NKAIN2: variants seen among roughly 807,000 people sequenced by gnomAD.
The protein encoded by NKAIN2 is sodium/potassium-transporting ATPase subunit beta-1-interacting protein 2.
NKAIN2 carries 14 observed loss-of-function variants against 32.6 expected under a neutral mutation model. The observed-to-expected ratio is 0.43, with a 90% CI of 0.28 to 0.67. The LOEUF (loss-of-function observed/expected upper bound fraction) is 0.67. Ranked by LOEUF, NKAIN2 falls within the 30% of genes least tolerant of loss-of-function variation. The pLI is 0.17. For synonymous variants in NKAIN2, 80 were observed against 87.2 expected, an observed-to-expected ratio of 0.92 and a Z score of 0.46; for missense variants, 198 against 258.3, an observed-to-expected ratio of 0.77 and a Z score of 1.60.
chr6:124,100,577 G>A (rs2114947903), intron 1 of NKAIN2, among the ~76,000 whole-genome samples: 1 of 152,308 alleles, frequency 6.6e-6, no homozygotes, highest in Non-Finnish European at 1.5e-5. Flanking sequence ...TTTTTGAGAT[G>A]CGATTGTATC....
intron 1 of NKAIN2, among the ~76,000 whole-genome samples, chr6:123,969,359 G>T (rs1024649140): frequency 6.6e-6 from 1 of 152,124 alleles, no homozygotes; most frequent in Non-Finnish European, 1.5e-5. Flanking sequence ...AGAGGAAATG[G>T]AAATAAACAT....
At chr6:123,873,399 A>C (rs184897573) in intron 1 of NKAIN2, among the ~76,000 whole-genome samples, 1 of 152,204 alleles carries the variant, frequency 6.6e-6, no homozygotes, top group Admixed American at 6.5e-5. Flanking sequence ...AAAGTTATTC[A>C]GGGCCAAATA....
At chr6:124,280,143 C>A (rs2114912101) in intron 1 of NKAIN2, among the ~76,000 whole-genome samples, 1 of 152,216 alleles carries the variant, frequency 6.6e-6, no homozygotes, top group South Asian at 2.1e-4. Flanking sequence ...ATTTCTATGT[C>A]AGATGATTAC....
chr6:124,514,710 T>C (rs1490279997), intron 3 of NKAIN2, among the ~76,000 whole-genome samples: 1 of 151,098 alleles, frequency 6.6e-6, no homozygotes, highest in East Asian at 2.0e-4. Context: ...TCAGTAAATA[T>C]GGAATTTTCA....
chr6:124,822,342 A>C (rs1412022616), intron 6 of NKAIN2, among the ~76,000 whole-genome samples: 1 of 152,222 alleles, frequency 6.6e-6, no homozygotes, highest in Non-Finnish European at 1.5e-5. Flanking sequence ...CTTGTAAAGT[A>C]AGAGTAATTT....
chr6:124,633,115 A>G (rs1783632811), intron 3 of NKAIN2, among the ~76,000 whole-genome samples: 3 of 152,190 alleles, frequency 2.0e-5, no homozygotes. Context: ...TGATTTGGCA[A>G]TGATTGATAG....
intron 2 of NKAIN2, among the ~76,000 whole-genome samples, chr6:124,351,104 A>C (rs1798705433): frequency 6.6e-6 from 1 of 152,268 alleles, no homozygotes; most frequent in Non-Finnish European, 1.5e-5. Flanking sequence ...ATTGTATTTT[A>C]GATCAAATGA....
rs1028524183 is a variant in NKAIN2, at chr6:124,574,814, C to T, written c.274-83372C>T. ...GAACACTTATCCCCACTAATTTTTC[C>T]AAGTATACAGAATGCCTAGTACCTA... On this transcript the variant is annotated intron_variant, in intron 3 of 6. Transcript: ENST00000368417. Among the ~76,000 whole-genome samples the T allele has an allele frequency of 1.1e-4, 17 of 152,092 alleles. 1 individual carries two copies. Among genetic ancestry groups the T allele is most frequent in the Non-Finnish European group, 5.9e-5 (4 of 68,008 alleles).
At chr6:124,683,977 A>G (rs1773744909) in intron 4 of NKAIN2, among the ~76,000 whole-genome samples, 1 of 152,212 alleles carries the variant, frequency 6.6e-6, no homozygotes, top group African/African-American at 2.4e-5. Context: ...AGAAACCATT[A>G]AGTTTCAAAA....
intron 1 of NKAIN2, among the ~76,000 whole-genome samples, chr6:123,845,777 A>G (rs1775062815): frequency 6.6e-6 from 1 of 152,310 alleles, no homozygotes; most frequent in South Asian, 2.1e-4. Context: ...ATGACTGTAT[A>G]CCTTATATTT....
intron 1 of NKAIN2, among the ~76,000 whole-genome samples, chr6:123,885,605 A>C (rs533279483): frequency 6.6e-6 from 1 of 152,178 alleles, no homozygotes; most frequent in South Asian, 2.1e-4. Context: ...AGCAGTTAGG[A>C]ATTACCCTAA....
chr6:123,987,734 C>G (rs1347941208), intron 1 of NKAIN2, among the ~76,000 whole-genome samples: 1 of 152,116 alleles, frequency 6.6e-6, no homozygotes, highest in Non-Finnish European at 1.5e-5. Context: ...TCTTCACAGC[C>G]AGTGACAGAG....
chr6:124,187,312 A>G (rs1354941597), intron 1 of NKAIN2, among the ~76,000 whole-genome samples: 1 of 152,148 alleles, frequency 6.6e-6, no homozygotes, highest in Non-Finnish European at 1.5e-5. Context: ...AGAAAAACCA[A>G]CATGATTTGA....
chr6:124,321,229 T>C (rs2115024902), intron 2 of NKAIN2, among the ~76,000 whole-genome samples: 1 of 152,274 alleles, frequency 6.6e-6, no homozygotes, highest in South Asian at 2.1e-4. Context: ...CCCTTTATTC[T>C]TTCCCTAAGA....
At chr6:123,955,426 G>A (rs762259329) in intron 1 of NKAIN2, among the ~76,000 whole-genome samples, 28 of 151,584 alleles carry the variant, frequency 1.8e-4, no homozygotes, top group Non-Finnish European at 3.8e-4. Context: ...ATGTTCAATT[G>A]CTTAGAATTT....
chr6:124,138,868 A>G (rs1786978785), intron 1 of NKAIN2, among the ~76,000 whole-genome samples: 1 of 150,804 alleles, frequency 6.6e-6, no homozygotes, highest in Admixed American at 6.6e-5. Context: ...AGTGGGAGCT[A>G]AGTTATGAGG....
At chr6:124,144,860 A>C (rs888664487) in intron 1 of NKAIN2, among the ~76,000 whole-genome samples, 21 of 152,324 alleles carry the variant, frequency 1.4e-4, no homozygotes, top group African/African-American at 4.8e-4. Context: ...AGGAGGAAAT[A>C]TCTGTAGACC....
chr6:124,132,082 A>G (rs955507859), intron 1 of NKAIN2, among the ~76,000 whole-genome samples: 1 of 152,182 alleles, frequency 6.6e-6, no homozygotes, highest in African/African-American at 2.4e-5. Flanking sequence ...GGGGCACTGC[A>G]GGAGCAAGAT....
chr6:124,709,720 T>C (rs1289653144), intron 4 of NKAIN2, among the ~76,000 whole-genome samples: 12 of 151,642 alleles, frequency 7.9e-5, no homozygotes, highest in African/African-American at 2.9e-4. Flanking sequence ...TCTATTTGAT[T>C]CTTCTCTTTT....
Sources: allele counts gnomAD v4.1 joint callset (sites outside exome capture counted in the v4.1 genomes callset), GRCh38; gene constraint gnomAD v4.1.1; transcripts MANE v1.5; gene names NCBI Gene and HGNC (gene_info 2026-07-23, HGNC 2026-07-21).